The following HECW1 variants were observed in gnomAD, a reference collection of about 807,000 sequenced individuals.
HECW1 encodes HECT, C2 and WW domain containing E3 ubiquitin protein ligase 1.
HECW1 carries 61 observed loss-of-function variants against 182.3 expected under a neutral mutation model. The observed-to-expected ratio is 0.33, with a 90% confidence interval of 0.27 to 0.41. The LOEUF is 0.41. Ranked by LOEUF, HECW1 falls within the 10% of genes least tolerant of loss-of-function variation. The probability of loss-of-function intolerance (pLI) is 1.00; values close to 1 mark genes in which losing one functional copy is unlikely to be tolerated. For missense variants in HECW1, 1,739 were observed against 2,108.9 expected (o/e 0.82, Z 3.44); for synonymous variants, 859 against 832.6 (o/e 1.03, Z -0.55).
intron 2 of HECW1, among the ~76,000 whole-genome samples, chr7:43,193,662 A>G (rs1354589689): frequency 6.6e-6 from 1 of 152,096 alleles, no homozygotes; most frequent in African/African-American, 2.4e-5. Context: ...GATTATAAGC[A>G]TGAGCCACCA....
intron 3 of HECW1, among the ~76,000 whole-genome samples, chr7:43,267,176 G>A (rs1476833930): frequency 6.6e-6 from 1 of 152,036 alleles, no homozygotes; most frequent in African/African-American, 2.4e-5. Context: ...AATAGACTAT[G>A]TCATCATTGC....
intron 3 of HECW1, among the ~76,000 whole-genome samples, chr7:43,311,302 T>A (rs1009720315): frequency 1.3e-5 from 2 of 152,152 alleles, no homozygotes; most frequent in African/African-American, 2.4e-5. Flanking sequence ...AATTCTGGGC[T>A]GTGTGTAGGG....
chr7:43,544,040 T>C (rs749602351), intron 26 of HECW1, among the ~76,000 whole-genome samples: 67 of 152,232 alleles, frequency 4.4e-4, no homozygotes, highest in Non-Finnish European at 6.5e-4. Context: ...AAATTCCAGC[T>C]GGATCAGAAA....
chr7:43,516,148 C>T (rs1245802279), intron 24 of HECW1, among the ~76,000 whole-genome samples: 2 of 152,056 alleles, frequency 1.3e-5, no homozygotes, highest in East Asian at 1.9e-4. Flanking sequence ...GTTTATAATT[C>T]GTTGTCGTTT....
chr7:43,539,975 CT>C (rs1179113348), intron 24 of HECW1, among the ~76,000 whole-genome samples: 2 of 152,212 alleles, frequency 1.3e-5, no homozygotes, highest in African/African-American at 4.8e-5. Flanking sequence ...CAGAAGCCCC[CT>C]ATCCACAGTG....
At chr7:43,360,041 A>G (rs540499166) in intron 5 of HECW1, among the ~76,000 whole-genome samples, 3 of 152,160 alleles carry the variant, frequency 2.0e-5, no homozygotes, top group Non-Finnish European at 4.4e-5. Flanking sequence ...CTGAGCACTT[A>G]ATTGAATCGA....
chr7:43,442,570 C>A lies in HECW1; in HGVS notation c.986C>A (p.Thr329Lys), dbSNP rs1219751670. The A allele has an allele frequency of 6.2e-7, 1 of 1,613,984 alleles. No individual in the cohort carries two copies. Among genetic ancestry groups the A allele is most frequent in the Admixed American group, 1.7e-5 (1 of 60,014 alleles). Residue 329 changes from threonine (T) to lysine (K), a missense_variant, in exon 10 of 30, where the codon ACA (threonine) becomes AAA (lysine). Thr to Lys is a moderately conservative substitution (Grantham distance 78). Coordinates refer to ENST00000395891, the MANE Select transcript of HECW1 (RefSeq NM_015052.5). ...TACACACTTGGCCGCAGGCTTCCAA[C>A]AGATCATGTGAGTGGACAGCTGCAA... ...VSYTLGRRLP[T>K]DHVSGQLQFR... is the part of the protein sequence containing the mutation.
chr7:43,408,630 G>A (rs1225415150), intron 8 of HECW1, among the ~76,000 whole-genome samples: 2 of 152,044 alleles, frequency 1.3e-5, no homozygotes, highest in Non-Finnish European at 2.9e-5. Flanking sequence ...AGGTTGTAGT[G>A]AGCTGGGATC....
chr7:43,163,973 T>C (rs2152659815), intron 2 of HECW1, among the ~76,000 whole-genome samples: 1 of 152,264 alleles, frequency 6.6e-6, no homozygotes, highest in South Asian at 2.1e-4. Context: ...AACTGGGCCT[T>C]GGGTGACAGG....
rs79655368 is a variant in HECW1 at position 43,554,586 on chromosome 7, G to A, written c.4511-6G>A. Reference sequence around the variant, plus strand: ...CTGTCTTCCTCCCTCCCTTTGCCTCGTGCAGGTTACCACGATGGGCATCTT... The same window carrying A: ...CTGTCTTCCTCCCTCCCTTTGCCTCATGCAGGTTACCACGATGGGCATCTT... On this transcript the variant is annotated splice_region_variant and splice_polypyrimidine_tract_variant and intron_variant, in intron 28 of 29. Coordinates refer to ENST00000395891, the MANE Select transcript of HECW1 (RefSeq NM_015052.5). 7.0e-3 allele frequency: 11,223 copies of A among 1,609,960 alleles called. 49 individuals are homozygous for A. Among genetic ancestry groups the A allele is most frequent in the African/African-American group, 0.018 (1,360 of 74,882 alleles).
chr7:43,475,694 A>G (rs2078195710), intron 16 of HECW1, among the ~76,000 whole-genome samples: 1 of 152,176 alleles, frequency 6.6e-6, no homozygotes, highest in South Asian at 2.1e-4. Context: ...GGGACCACAG[A>G]TGCAAAACCA....
chr7:43,264,842 TA>T (rs36094358), intron 3 of HECW1, among the ~76,000 whole-genome samples: 1,714 of 129,148 alleles, frequency 0.013, 13 homozygotes, highest in Admixed American at 0.017. Flanking sequence ...AGACTCGGTT[TA>T]AAAAAAAAAA....
At chr7:43,542,532 T>TAA (rs1460167870) in intron 26 of HECW1, among the ~76,000 whole-genome samples, 2 of 151,382 alleles carry the variant, frequency 1.3e-5, no homozygotes, top group African/African-American at 4.8e-5. Context: ...TATATATATA[T>TAA]AAACAAATAT....
intron 14 of HECW1, 54 bp from the exon 15 acceptor site, chr7:43,466,393 G>A (rs919693646): frequency 1.2e-5 from 19 of 1,592,752 alleles, no homozygotes; most frequent in Non-Finnish European, 1.6e-5. Flanking sequence ...AAGTACAGAG[G>A]TTGAAATGCC....
chr7:43,228,598 T>C (rs546077211), intron 2 of HECW1, among the ~76,000 whole-genome samples: 1 of 152,352 alleles, frequency 6.6e-6, no homozygotes, highest in South Asian at 2.1e-4. Context: ...GTAAGTTCAC[T>C]TGGCTATGTA....
intron 24 of HECW1, among the ~76,000 whole-genome samples, chr7:43,521,402 T>C (rs537071708): frequency 6.6e-5 from 10 of 152,370 alleles, no homozygotes; most frequent in Non-Finnish European, 1.2e-4. Flanking sequence ...GTTTTCATGA[T>C]GGAAGACTGG....
chr7:43,538,103 GAGTT>G (rs1356860766), intron 24 of HECW1, among the ~76,000 whole-genome samples: 4 of 152,198 alleles, frequency 2.6e-5, no homozygotes, highest in Non-Finnish European at 5.9e-5. Flanking sequence ...CATCCAACCT[GAGTT>G]AGAACAGTCA....
intron 29 of HECW1, among the ~76,000 whole-genome samples, chr7:43,557,474 G>A (rs941010877): frequency 2.6e-5 from 4 of 152,248 alleles, no homozygotes; most frequent in Non-Finnish European, 5.9e-5. Flanking sequence ...TGAGGGTAGA[G>A]GCTTCTGGGA....
chr7:43,380,713 G>A (rs1467940746), intron 6 of HECW1, among the ~76,000 whole-genome samples: 2 of 152,000 alleles, frequency 1.3e-5, no homozygotes, highest in African/African-American at 4.8e-5. Flanking sequence ...ATTTTTAGTA[G>A]AGACAGGGTT....
Sources: allele counts gnomAD v4.1 joint callset (sites outside exome capture counted in the v4.1 genomes callset), GRCh38; gene constraint gnomAD v4.1.1; transcripts MANE v1.5; gene names NCBI Gene and HGNC (gene_info 2026-07-23, HGNC 2026-07-21).